ANTXR1: variants seen among roughly 807,000 people sequenced by gnomAD.
ANTXR1 encodes the protein anthrax toxin receptor 1.
Under a neutral mutation model 78.1 loss-of-function variants are expected in ANTXR1, and 19 were observed. The ratio of observed to expected loss-of-function variants is 0.24; its 90% confidence interval spans 0.17 to 0.36. ANTXR1 has a LOEUF of 0.36. Among genes scored for constraint, ANTXR1 ranks in the 10% least tolerant of loss-of-function variants. The pLI is 1.00. For synonymous variants in ANTXR1, 273 were observed against 260.5 expected (o/e 1.05, Z -0.46); for missense variants, 518 against 718.6 (o/e 0.72, Z 3.19).
chr2:69,138,063 G>A (rs1247641122), intron 12 of ANTXR1, among the ~76,000 whole-genome samples: 2 of 129,608 alleles, frequency 1.5e-5, no homozygotes, highest in Non-Finnish European at 3.1e-5. Flanking sequence ...CAGCCGAGGC[G>A]ACAACAGCAA....
At chr2:69,213,618 G>T (rs891019287) in intron 17 of ANTXR1, among the ~76,000 whole-genome samples, 9 of 152,250 alleles carry the variant, frequency 5.9e-5, no homozygotes, top group African/African-American at 2.2e-4. Context: ...AAGACCAGCG[G>T]TCTTGCCAGA....
intron 10 of ANTXR1, among the ~76,000 whole-genome samples, chr2:69,121,593 G>A (rs1672348335): frequency 1.3e-5 from 2 of 152,174 alleles, no homozygotes; most frequent in African/African-American, 4.8e-5. Flanking sequence ...GCTATATTCT[G>A]CAGTCATGAC....
intron 1 of ANTXR1, among the ~76,000 whole-genome samples, chr2:69,035,113 T>G (rs1184017585): frequency 6.6e-6 from 1 of 151,728 alleles, no homozygotes; most frequent in Non-Finnish European, 1.5e-5. Flanking sequence ...AAGTCTAAAC[T>G]GAGTCATAGA....
At chr2:69,112,996 T>G (rs889352421) in intron 10 of ANTXR1, among the ~76,000 whole-genome samples, 6 of 152,192 alleles carry the variant, frequency 3.9e-5, no homozygotes, top group Admixed American at 3.3e-4. Context: ...TGGGGGTGAG[T>G]TGACACAGTC....
In ANTXR1 at chr2:69,051,153, G is replaced by A. The variant is rs920213100; in HGVS notation, c.296+6340G>A. On this transcript the variant is annotated intron_variant, in intron 3 of 17. Transcript: ENST00000303714. ...ATATAAAAGTTAGCTGGGCATGTTGGTGCGCACCTGTAATCCCACCTACTT... is the reference window on the plus strand; with the variant it reads ...ATATAAAAGTTAGCTGGGCATGTTGATGCGCACCTGTAATCCCACCTACTT... Among the ~76,000 whole-genome samples the A allele has an allele frequency of 2.6e-5, 4 of 152,076 alleles. No homozygotes were observed. In the East Asian group the frequency reaches 7.7e-4, roughly 29 times the overall value.
intron 6 of ANTXR1, among the ~76,000 whole-genome samples, chr2:69,073,444 C>T (rs1366311817): frequency 2.0e-5 from 3 of 151,908 alleles, no homozygotes; most frequent in Non-Finnish European, 4.4e-5. Context: ...ATAATTTTTC[C>T]TTATATTTTC....
intron 10 of ANTXR1, among the ~76,000 whole-genome samples, chr2:69,110,749 C>T (rs1200111431): frequency 6.6e-6 from 1 of 152,022 alleles, no homozygotes; most frequent in Non-Finnish European, 1.5e-5. Context: ...GTAGTCCCAG[C>T]TACTCGGGAG....
At chr2:69,242,278 C>T (rs1448263964) in intron 17 of ANTXR1, among the ~76,000 whole-genome samples, 1 of 152,212 alleles carries the variant, frequency 6.6e-6, no homozygotes, top group Non-Finnish European at 1.5e-5. Flanking sequence ...ACCTCACTCC[C>T]CCACAGCCCC....
At chr2:69,238,893 C>T (rs1675834552) in intron 17 of ANTXR1, among the ~76,000 whole-genome samples, 1 of 152,182 alleles carries the variant, frequency 6.6e-6, no homozygotes, top group Non-Finnish European at 1.5e-5. Context: ...TTAACCATCT[C>T]CAAAGTCCAG....
intron 17 of ANTXR1, among the ~76,000 whole-genome samples, chr2:69,214,234 C>A (rs1166413201): frequency 6.6e-6 from 1 of 152,256 alleles, no homozygotes; most frequent in Non-Finnish European, 1.5e-5. Flanking sequence ...CCCTGGCCTG[C>A]AAGCTGTATC....
chr2:69,085,837 T>G (rs11686284), intron 8 of ANTXR1, among the ~76,000 whole-genome samples: 5 of 152,054 alleles, frequency 3.3e-5, no homozygotes, highest in African/African-American at 1.2e-4. Flanking sequence ...AGAACTCATA[T>G]TGGATTTGGA....
intron 7 of ANTXR1, 126 bp from the exon 8 acceptor site, chr2:69,077,282 G>A (rs1056724579): frequency 1.0e-6 from 1 of 980,950 alleles, no homozygotes; most frequent in Non-Finnish European, 1.6e-6. Context: ...TGAGCCCAGT[G>A]AAGGCCTCAT....
intron 17 of ANTXR1, among the ~76,000 whole-genome samples, chr2:69,242,885 G>A (rs960851708): frequency 1.3e-5 from 2 of 152,226 alleles, no homozygotes; most frequent in African/African-American, 2.4e-5. Flanking sequence ...TTGAACAGCC[G>A]GGAATGTACA....
chr2:69,185,861 GC>G (rs1239936487), intron 16 of ANTXR1, among the ~76,000 whole-genome samples: 1 of 152,150 alleles, frequency 6.6e-6, no homozygotes, highest in Non-Finnish European at 1.5e-5. Context: ...GAGCTCCTCG[GC>G]AGGACTCCCT....
intron 2 of ANTXR1, among the ~76,000 whole-genome samples, chr2:69,040,580 A>G (rs1669585535): frequency 6.6e-6 from 1 of 152,220 alleles, no homozygotes; most frequent in African/African-American, 2.4e-5. Flanking sequence ...AAATGTGACA[A>G]TTGGTCGCTC....
intron 10 of ANTXR1, among the ~76,000 whole-genome samples, chr2:69,111,515 T>C (rs553828428): frequency 3.9e-4 from 60 of 152,252 alleles, no homozygotes; most frequent in Non-Finnish European, 6.6e-4. Flanking sequence ...AAATTGAGTT[T>C]ATAGGCCATG....
rs189864930 is a variant in ANTXR1 at position 69,051,074 on chromosome 2, C to A, written c.296+6261C>A. Among the ~76,000 whole-genome samples, 72 of 152,182 alleles carry A rather than the reference C, an allele frequency of 4.7e-4. 1 individual carries two copies. The highest frequency in any genetic ancestry group is 1.6e-3 in the Admixed American group (25 of 15,278). ...GCTGAGGCAGGCTGATCACTTGAGGCCAGGATTTTGAGACCAGCCTGGCCA... is the reference window on the plus strand; with the variant it reads ...GCTGAGGCAGGCTGATCACTTGAGGACAGGATTTTGAGACCAGCCTGGCCA... On this transcript the variant is annotated intron_variant, in intron 3 of 17. Transcript: ENST00000303714.
At chr2:69,235,329 A>G (rs1675730325) in intron 17 of ANTXR1, among the ~76,000 whole-genome samples, 1 of 152,032 alleles carries the variant, frequency 6.6e-6, no homozygotes, top group Non-Finnish European at 1.5e-5. Flanking sequence ...AGCCCTGATG[A>G]AGGCCTTTCT....
chr2:69,093,813 G>T (rs1671313852), intron 9 of ANTXR1, among the ~76,000 whole-genome samples: 1 of 152,076 alleles, frequency 6.6e-6, no homozygotes, highest in Non-Finnish European at 1.5e-5. Flanking sequence ...TATTTTATAA[G>T]CAAACAACAG....
Sources: gnomAD v4.1 joint callset for allele counts (sites outside exome capture counted in the v4.1 genomes callset) on GRCh38, gnomAD v4.1.1 for gene constraint, MANE v1.5 for transcripts, NCBI Gene and HGNC (gene_info 2026-07-23, HGNC 2026-07-21) for gene names.